YIF1B: variants seen among roughly 807,000 people sequenced by gnomAD.
The protein encoded by YIF1B is protein YIF1B.
YIF1B carries 24 observed loss-of-function variants against 34.6 expected under a neutral mutation model. That is an observed-to-expected ratio of 0.69 (90% CI 0.50 to 0.98). The LOEUF (loss-of-function observed/expected upper bound fraction) is 0.98, where lower values mean the gene tolerates loss of function less well. YIF1B is among the 50% of genes least tolerant of loss of function. The probability of loss-of-function intolerance (pLI) is 0.00; values close to 1 mark genes in which losing one functional copy is unlikely to be tolerated. For missense variants in YIF1B, 368 were observed against 429.4 expected (o/e 0.86, Z 1.26); for synonymous variants, 186 against 184.8 (o/e 1.01, Z -0.05).
rs1969503794 is a variant in YIF1B, at chr19:38,315,370, TG to T, written c.58+489del. The T allele has an allele frequency of 5.3e-6, 6 of 1,123,568 alleles. No individual in the cohort carries two copies. In the East Asian group the frequency reaches 1.9e-4, roughly 36 times the overall value. 69.6% of individuals were successfully genotyped at this position (1,123,568 alleles called of 1,614,324 possible). On this transcript the variant is annotated intron_variant, in intron 1 of 7. Coordinates refer to ENST00000339413, the MANE Select transcript of YIF1B (RefSeq NM_001039672.3). The stretch of plus-strand genomic sequence containing the variant: ...CCATCCCAACACAGGGCCTGACACA[TG>T]GGAGTTGAGACAAGTTAGGTTGAAT...
chr19:38,308,931 A>G (rs909327959), intron 4 of YIF1B, 48 bp downstream of exon 4: 4 of 1,612,654 alleles, frequency 2.5e-6, no homozygotes, highest in African/African-American at 2.7e-5. Context: ...CCCGCTCCAT[A>G]TAGGCCCGGA....
upstream of YIF1B, chr19:38,319,807 C>G (rs552413673): frequency 8.8e-4 from 743 of 845,264 alleles, 12 homozygotes; most frequent in East Asian, 0.025. Context: ...CGCCGCCCCC[C>G]ACCTCCCCTT....
chr19:38,304,120 T>G lies in YIF1B; in HGVS notation c.*1232A>C, dbSNP rs1158292521. The G allele has an allele frequency of 6.9e-6, 7 of 1,012,280 alleles. No homozygotes were observed. Among genetic ancestry groups the G allele is most frequent in the African/African-American group, 3.2e-5 (2 of 62,640 alleles). 62.7% of individuals were successfully genotyped at this position (1,012,280 alleles called of 1,614,324 possible). ...ATCCTGGGTGGTGCCGGGCAATGAG[T>G]CAGGGCTGAGGACCAGGACAGAGGT... On this transcript the variant is annotated 3_prime_UTR_variant, in exon 8 of 8. Transcript: ENST00000339413.
Position 38,309,379 on chromosome 19 carries a change from C to T in YIF1B, c.297+26G>A, listed in dbSNP as rs45552232. 4.0e-3 allele frequency: 6,411 copies of T among 1,612,812 alleles called. 16 individuals are homozygous for T. Among genetic ancestry groups the T allele is most frequent in the Non-Finnish European group, 5.0e-3 (5,913 of 1,179,226 alleles). ...AGCCCTGTGGCCCCGTGCATCCCCC[C>T]ACTCCCACCAGCCCCGCCCACTCAC... is the stretch of plus-strand genomic sequence containing the variant. On this transcript the variant is annotated intron_variant, in intron 2 of 7. Coordinates refer to ENST00000339413, the MANE Select transcript of YIF1B (RefSeq NM_001039672.3).
chr19:38,315,235 A>T (rs1190790262), intron 1 of YIF1B, among the ~76,000 whole-genome samples: 3 of 151,196 alleles, frequency 2.0e-5, no homozygotes, highest in African/African-American at 7.3e-5. Context: ...ACAAGAACAA[A>T]ACTAGGTCTC....
upstream of YIF1B, among the ~76,000 whole-genome samples, chr19:38,320,930 AGAGACCTCCAGCAAGGACCCAG>A (rs1393836888): frequency 1.3e-5 from 2 of 152,098 alleles, no homozygotes; most frequent in Non-Finnish European, 2.9e-5. Flanking sequence ...GACTGTCCTC[AGAGACCTCCAGCAAGGACCCAG>A]GACACGCCAC....
intron 7 of YIF1B, chr19:38,307,201 G>C: frequency 3.5e-6 from 2 of 574,580 alleles, no homozygotes; most frequent in South Asian, 2.0e-5. Flanking sequence ...GTGTGCTGGG[G>C]ATCCCCAGCC....
At chr19:38,317,918 A>G (rs982259750), upstream of YIF1B, among the ~76,000 whole-genome samples, 2 of 151,622 alleles carry the variant, frequency 1.3e-5, no homozygotes, top group Non-Finnish European at 2.9e-5. Flanking sequence ...AAGTACTGCC[A>G]AGTGCAGCGG....
At chr19:38,316,303 C>T (rs1969550541), upstream of YIF1B, among the ~76,000 whole-genome samples, 1 of 151,970 alleles carries the variant, frequency 6.6e-6, no homozygotes, top group East Asian at 1.9e-4. Context: ...CCCAGGGATT[C>T]GAGACTAGCC....
chr19:38,307,767 C>G lies in YIF1B; in HGVS notation c.540-15G>C. ...CTGGGGAGAACCTGCAGGCACAAAG[C>G]CCCGCCACTTGGTTGGCTGGTTCAG... is the stretch of plus-strand genomic sequence containing the variant. On this transcript the variant is annotated splice_polypyrimidine_tract_variant and intron_variant, in intron 5 of 7. Transcript: ENST00000339413. The G allele has an allele frequency of 1.9e-6, 3 of 1,610,962 alleles. No homozygotes were observed. Among genetic ancestry groups the G allele is most frequent in the Middle Eastern group, 1.8e-4 (1 of 5,630 alleles).
At chr19:38,314,289 G>A (rs1360024112) in intron 1 of YIF1B, among the ~76,000 whole-genome samples, 1 of 150,764 alleles carries the variant, frequency 6.6e-6, no homozygotes, top group African/African-American at 2.4e-5. Flanking sequence ...CCACCTCCCA[G>A]GTTCAAGCAA....
At chr19:38,318,501 C>G (rs961082240), upstream of YIF1B, among the ~76,000 whole-genome samples, 2 of 152,134 alleles carry the variant, frequency 1.3e-5, no homozygotes, top group Non-Finnish European at 2.9e-5. Context: ...CCGAGCTGGT[C>G]TCAAATGACT....
chr19:38,304,706 G>T lies in YIF1B; in HGVS notation c.*646C>A, dbSNP rs751704113. On this transcript the variant is annotated 3_prime_UTR_variant, in exon 8 of 8. Transcript: ENST00000339413. The stretch of plus-strand genomic sequence containing the variant: ...GTGAAGGTAAGGGGCTCTCGCCAGC[G>T]TCCCCAAGCACGTGCCCTGCACCCC... The T allele has an allele frequency of 1.9e-6, 3 of 1,613,526 alleles. No individual in the cohort carries two copies. Among genetic ancestry groups the T allele is most frequent in the Non-Finnish European group, 2.5e-6 (3 of 1,179,964 alleles).
rs1968877301 is a variant in YIF1B at position 38,304,141 on chromosome 19, G to A, written c.*1211C>T. On this transcript the variant is annotated 3_prime_UTR_variant, in exon 8 of 8. Transcript: ENST00000339413. ...TGAGTCAGGGCTGAGGACCAGGACA[G>A]AGGTTGGGTGGGGCGTCTCAGCATT... 1.3e-5 allele frequency: 16 copies of A among 1,234,184 alleles called. No homozygotes were observed. The highest frequency in any genetic ancestry group is 9.3e-5 in the South Asian group (7 of 75,414). 76.5% of individuals were successfully genotyped at this position (1,234,184 alleles called of 1,614,324 possible).
chr19:38,307,682 T>C lies in YIF1B; in HGVS notation c.610A>G (p.Ile204Val), dbSNP rs1969119477. ...LAWLTLEVLA[I>V]LLSLYLVTVN... ...GTGACCAGATAGAGGCTGAGCAGGATGGCCAGCACCTCCAGGGTCAGCCAG... is the reference window on the plus strand; with the variant it reads ...GTGACCAGATAGAGGCTGAGCAGGACGGCCAGCACCTCCAGGGTCAGCCAG... The change falls in exon 6 of 8, where the codon ATC becomes GTC. Residue 204 changes from isoleucine (I) to valine (V), a missense_variant. By Grantham distance (29) the Ile-to-Val change is conservative (BLOSUM62 3). Transcript: ENST00000339413. 1.2e-6 allele frequency: 2 copies of C among 1,613,474 alleles called. No individual in the cohort carries two copies. Among genetic ancestry groups the C allele is most frequent in the South Asian group, 1.1e-5 (1 of 91,082 alleles).
In YIF1B at chr19:38,307,499, C is replaced by T. The variant is rs199784002; in HGVS notation, c.718G>A (p.Gly240Ser). 1 of 1,613,842 alleles carries T rather than the reference C, an allele frequency of 6.2e-7. No individual in the cohort carries two copies. Among genetic ancestry groups the T allele is most frequent in the East Asian group, 2.2e-5 (1 of 44,862 alleles). Reference protein sequence around the residue: ...YVGMIGGVLMGLLFGKIGYYL... With the variant: ...YVGMIGGVLMSLLFGKIGYYL... ...TAGCCAATCTTCCCGAAGAGCAGGC[C>T]CATGAGGACCCCGCCAATCATCCTG... Residue 240 changes from glycine (G) to serine (S), a missense_variant, in exon 7 of 8, where the codon GGC (glycine) becomes AGC (serine). Transcript: ENST00000339413.
chr19:38,309,655 G>A lies in YIF1B; in HGVS notation c.59-12C>T. 2 of 1,593,048 alleles carry A rather than the reference G, an allele frequency of 1.3e-6. No homozygotes were observed. The highest frequency in any genetic ancestry group is 1.3e-5 in the African/African-American group (1 of 74,898). On this transcript the variant is annotated splice_polypyrimidine_tract_variant and intron_variant, in intron 1 of 7. Transcript: ENST00000339413. ...CCTCCGCTTCGAGGCTGCAAGGGAA[G>A]AGAGTGAGAAGGAGCTGGGGACCCA...
upstream of YIF1B, among the ~76,000 whole-genome samples, chr19:38,319,423 G>C (rs78971156): frequency 1.2e-4 from 19 of 152,254 alleles, no homozygotes; most frequent in East Asian, 1.9e-3. Context: ...GGGCACAGGG[G>C]ACACCTGACT....
intron 1 of YIF1B, among the ~76,000 whole-genome samples, chr19:38,310,174 ATT>A (rs1969265136): frequency 2.0e-5 from 3 of 146,590 alleles, no homozygotes; most frequent in Admixed American, 6.8e-5. Context: ...CAATCCATCC[ATT>A]CATCCATCCA....
Sources: gnomAD v4.1 joint callset for allele counts (sites outside exome capture counted in the v4.1 genomes callset) on GRCh38, gnomAD v4.1.1 for gene constraint, MANE v1.5 for transcripts, NCBI Gene and HGNC (gene_info 2026-07-23, HGNC 2026-07-21) for gene names.